PRRC2C: variants seen among roughly 807,000 people sequenced by gnomAD.
The protein encoded by PRRC2C is proline rich coiled-coil 2C.
In PRRC2C, 72 loss-of-function variants were observed where a neutral mutation model predicts 317.2. That is an observed-to-expected ratio of 0.23 (90% confidence interval 0.19 to 0.28). The LOEUF (loss-of-function observed/expected upper bound fraction) is 0.28, where lower values mean the gene tolerates loss of function less well. Among genes scored for constraint, PRRC2C ranks in the 10% least tolerant of loss-of-function variants. The pLI is 1.00. For synonymous variants in PRRC2C, 1,296 were observed against 1,205.9 expected (o/e 1.07, Z -1.55); for missense variants, 3,074 against 3,459.7 (o/e 0.89, Z 2.80).
intron 1 of PRRC2C, among the ~76,000 whole-genome samples, chr1:171,496,648 C>T (rs1668150757): frequency 6.6e-6 from 1 of 152,102 alleles, no homozygotes; most frequent in African/African-American, 2.4e-5. Flanking sequence ...GCACTCTGTG[C>T]TTGGTTTTTA....
intron 1 of PRRC2C, chr1:171,510,714 A>G (rs1671209628): frequency 6.6e-6 from 1 of 152,202 alleles, no homozygotes; most frequent in South Asian, 2.1e-4. Context: ...TCTCAAGGAA[A>G]GATGGTTTAT....
chr1:171,527,620 G>A (rs899817761), intron 10 of PRRC2C, among the ~76,000 whole-genome samples, 171 bp from the exon 11 acceptor site: 1 of 152,038 alleles, frequency 6.6e-6, no homozygotes, highest in Non-Finnish European at 1.5e-5. Context: ...CCCAGTTGTG[G>A]TGGCAGACGC....
chr1:171,589,863 CTG>C (rs775646151), intron 34 of PRRC2C, among the ~76,000 whole-genome samples: 2 of 149,224 alleles, frequency 1.3e-5, no homozygotes, highest in Admixed American at 6.7e-5. Flanking sequence ...ATGTCTTAAA[CTG>C]TGGCCAAATG....
At chr1:171,496,590 A>C (rs537565949) in intron 1 of PRRC2C, among the ~76,000 whole-genome samples, 1 of 152,076 alleles carries the variant, frequency 6.6e-6, no homozygotes, top group Non-Finnish European at 1.5e-5. Context: ...ATATTTTACC[A>C]TATTTACTTT....
At position 171,522,505 on chromosome 1, in the gene PRRC2C, C is replaced by T. The variant is rs574632682; in HGVS notation, c.833+246C>T. On this transcript the variant is annotated intron_variant, in intron 7 of 34. Coordinates refer to ENST00000647382, the MANE Select transcript of PRRC2C (RefSeq NM_001387844.1). ...GAAAACCAGGCCGGGGACGGTGGCT[C>T]ACCCCTGTAATCCCAGCACTTTGGA... 6.3e-5 allele frequency: 15 copies of T among 236,272 alleles called. No individual in the cohort carries two copies. The South Asian group carries it at 9.2e-4, about 14-fold the overall frequency. The allele number at this position is 236,272 out of a possible 1,614,324, so 14.6% of individuals were successfully genotyped here. A position where few individuals can be genotyped will look rare whatever the true frequency, so the allele number is the denominator to read the frequency against.
intron 1 of PRRC2C, among the ~76,000 whole-genome samples, chr1:171,489,740 G>A (rs1032811979): frequency 6.6e-5 from 10 of 152,142 alleles, no homozygotes; most frequent in African/African-American, 2.4e-4. Flanking sequence ...GGTAGAAATG[G>A]CATTTGAATT....
chr1:171,529,156 T>A (rs1048193748), intron 11 of PRRC2C, among the ~76,000 whole-genome samples: 1 of 152,206 alleles, frequency 6.6e-6, no homozygotes, highest in Non-Finnish European at 1.5e-5. Flanking sequence ...TTCTTTGCTT[T>A]CTATTCCTTC....
chr1:171,560,486 A>G (rs1248627537), intron 19 of PRRC2C, among the ~76,000 whole-genome samples: 1 of 152,218 alleles, frequency 6.6e-6, no homozygotes, highest in Non-Finnish European at 1.5e-5. Context: ...TAGTCAGTTG[A>G]TGTTACAGAC....
intron 20 of PRRC2C, among the ~76,000 whole-genome samples, chr1:171,563,470 A>G (rs1010607025): frequency 1.3e-5 from 2 of 152,188 alleles, no homozygotes; most frequent in Non-Finnish European, 2.9e-5. Flanking sequence ...ACTGGGTTGA[A>G]TCTACAGATG....
At chr1:171,515,443 T>C (rs1672189162) in intron 4 of PRRC2C, among the ~76,000 whole-genome samples, 1 of 152,242 alleles carries the variant, frequency 6.6e-6, no homozygotes, top group Admixed American at 6.5e-5. Context: ...ATTGAAAATG[T>C]AAGGAGTCAT....
chr1:171,573,752 C>T (rs1159552530), intron 24 of PRRC2C, among the ~76,000 whole-genome samples: 1 of 142,312 alleles, frequency 7.0e-6, no homozygotes, highest in Non-Finnish European at 1.5e-5. Context: ...TATCTCGGCT[C>T]ACTGCAACCT....
chr1:171,563,082 C>T (rs1473417214), intron 20 of PRRC2C, among the ~76,000 whole-genome samples: 1 of 152,034 alleles, frequency 6.6e-6, no homozygotes, highest in Non-Finnish European at 1.5e-5. Context: ...TCACTGATGA[C>T]TTTGATAAGA....
rs377723398 is a variant in PRRC2C at position 171,558,050 on chromosome 1, A to G, written c.5938A>G (p.Ile1980Val). 6 of 1,613,970 alleles carry G rather than the reference A, an allele frequency of 3.7e-6. No homozygotes were observed. The East Asian group carries it at 1.1e-4, about 30-fold the overall frequency. ...AGATTATGTAGCCTCAGGAAAATCC[A>G]TCCAGACCCCACAGTCACATGGCAC... is the stretch of plus-strand genomic sequence containing the variant. ...GTDYVASGKS[I>V]QTPQSHGTLT... The change falls in exon 19 of 35, where the codon ATC (isoleucine) becomes GTC (valine). Residue 1980 changes from isoleucine (I) to valine (V), a missense_variant. Around this residue, in one of 11 missense-constraint regions of PRRC2C, gnomAD observed 640 missense variants for 676.1 expected, o/e 0.95. Transcript: ENST00000647382.
At chr1:171,549,591 G>A (rs1021210245) in intron 17 of PRRC2C, among the ~76,000 whole-genome samples, 3 of 151,902 alleles carry the variant, frequency 2.0e-5, no homozygotes, top group Non-Finnish European at 2.9e-5. Flanking sequence ...GGACAGAGTC[G>A]CACTCTGTCA....
intron 28 of PRRC2C, among the ~76,000 whole-genome samples, chr1:171,580,544 C>G (rs977636487): frequency 4.6e-5 from 7 of 152,194 alleles, no homozygotes; most frequent in African/African-American, 9.7e-5. Flanking sequence ...AGATATTCAG[C>G]CTTTCACATA....
chr1:171,590,368 A>G (rs911865613), intron 34 of PRRC2C, among the ~76,000 whole-genome samples: 3 of 152,218 alleles, frequency 2.0e-5, no homozygotes, highest in African/African-American at 7.2e-5. Flanking sequence ...GTCTGCCAGT[A>G]CAGCCAGTTG....
chr1:171,550,346 C>A, intron 18 of PRRC2C, 106 bp downstream of exon 18: 1 of 1,027,110 alleles, frequency 9.7e-7, no homozygotes, highest in Non-Finnish European at 1.3e-6. Context: ...TTTCATTATT[C>A]AAGTGTTAAA....
At position 171,561,816 on chromosome 1, in the gene PRRC2C, A is replaced by G. The variant is rs183206220; in HGVS notation, c.6117+713A>G. On this transcript the variant is annotated intron_variant, in intron 20 of 34. Coordinates refer to ENST00000647382, the MANE Select transcript of PRRC2C (RefSeq NM_001387844.1). ...ATAGTTATTCTAACATAATTTCTCAAATGTGATATTGGTAAATGACTGTTG... is the reference window on the plus strand; with the variant it reads ...ATAGTTATTCTAACATAATTTCTCAGATGTGATATTGGTAAATGACTGTTG... 1.6e-3 allele frequency among the ~76,000 whole-genome samples: 238 copies of G among 152,314 alleles called. 1 individual carries two copies. Among genetic ancestry groups the G allele is most frequent in the Middle Eastern group, 6.8e-3 (2 of 294 alleles).
At position 171,587,133 on chromosome 1, in the gene PRRC2C, G is replaced by A; in HGVS notation, c.7880G>A (p.Ser2627Asn). The A allele has an allele frequency of 1.9e-6, 3 of 1,611,068 alleles. No individual in the cohort carries two copies. Among genetic ancestry groups the A allele is most frequent in the Non-Finnish European group, 2.5e-6 (3 of 1,178,688 alleles). Reference protein sequence around the residue: ...QHTTPQAQAQSLSRPAQVSQP... With the variant: ...QHTTPQAQAQNLSRPAQVSQP... ...ACCACTCCCCAAGCACAGGCTCAGA[G>A]TCTGAGTCGTCCTGCACAAGTAAGC... The change falls in exon 31 of 35, where the codon AGT becomes AAT. Residue 2627 changes from serine (S) to asparagine (N), a missense_variant. Coordinates refer to ENST00000647382, the MANE Select transcript of PRRC2C (RefSeq NM_001387844.1).
Sources: gnomAD v4.1 joint callset for allele counts (sites outside exome capture counted in the v4.1 genomes callset) on GRCh38, gnomAD v4.1.1 for gene constraint, gnomAD v4.1.1 regional missense constraint, MANE v1.5 for transcripts, NCBI Gene and HGNC (gene_info 2026-07-23, HGNC 2026-07-21) for gene names.